Variants in LRRIQ1 observed in about 807,000 individuals in gnomAD.
The protein encoded by LRRIQ1 is leucine-rich repeat- and IQ domain-containing protein 1.
A neutral mutation model predicts 211.9 loss-of-function variants in LRRIQ1; 210 were observed. That is an observed-to-expected ratio of 0.99 (90% confidence interval 0.89 to 1.11). LRRIQ1 has a LOEUF of 1.11. Among genes scored for constraint, LRRIQ1 ranks in the 50% most tolerant of loss-of-function variants. The pLI, the probability that LRRIQ1 is intolerant of heterozygous loss-of-function variation, is 0.00. For missense variants in LRRIQ1, 2,136 were observed against 1,939.5 expected, an observed-to-expected ratio of 1.10 and a Z score of -1.90; for synonymous variants, 699 against 650.1, an observed-to-expected ratio of 1.08 and a Z score of -1.14.
chr12:85,169,427 T>TA (rs1377294252), intron 24 of LRRIQ1, among the ~76,000 whole-genome samples: 21 of 152,202 alleles, frequency 1.4e-4, no homozygotes, highest in African/African-American at 4.3e-4. Context: ...ATTAAGTATC[T>TA]AAAATCTTTT....
chr12:85,170,172 TA>T (rs2136802318), intron 24 of LRRIQ1, among the ~76,000 whole-genome samples: 1 of 151,688 alleles, frequency 6.6e-6, no homozygotes, highest in South Asian at 2.1e-4. Flanking sequence ...AAATCAGTTA[TA>T]AATAGCTCAT....
chr12:85,106,493 A>G (rs771707568), intron 14 of LRRIQ1, 29 bp from the exon 15 acceptor site: 3 of 1,436,290 alleles, frequency 2.1e-6, no homozygotes, highest in Non-Finnish European at 2.9e-6. Context: ...CTGTGATGAT[A>G]CCTTTCAAAA....
At chr12:85,079,710 G>A (rs189073717) in intron 11 of LRRIQ1, among the ~76,000 whole-genome samples, 1 of 151,932 alleles carries the variant, frequency 6.6e-6, no homozygotes, top group Non-Finnish European at 1.5e-5. Context: ...TATAATCATT[G>A]ATGTATTTGA....
At chr12:85,062,976 G>A in intron 8 of LRRIQ1, among the ~76,000 whole-genome samples, 1 of 151,636 alleles carries the variant, frequency 6.6e-6, no homozygotes. Flanking sequence ...TTTTTCTTAT[G>A]TTTGTTGGCC....
intron 10 of LRRIQ1, among the ~76,000 whole-genome samples, chr12:85,067,314 C>T (rs1413608376): frequency 6.6e-6 from 1 of 151,812 alleles, no homozygotes; most frequent in Non-Finnish European, 1.5e-5. Context: ...ACTTATCTTT[C>T]CTTCTTTAGA....
chr12:85,130,525 TTTGG>T (rs1280674865), intron 18 of LRRIQ1, among the ~76,000 whole-genome samples: 2 of 152,172 alleles, frequency 1.3e-5, no homozygotes, highest in Non-Finnish European at 2.9e-5. Flanking sequence ...TTGTGAGTTC[TTTGG>T]TTGAGCTTCT....
intron 24 of LRRIQ1, among the ~76,000 whole-genome samples, chr12:85,220,551 A>G (rs1894348871): frequency 1.3e-5 from 2 of 151,666 alleles, no homozygotes; most frequent in Admixed American, 1.3e-4. Context: ...ATGATTGAGT[A>G]TATTTCAAAC....
chr12:85,257,882 TTTG>T lies in LRRIQ1; in HGVS notation c.122-5032_122-5030del, dbSNP rs1364328188. ...TGTAGCGCCACATTCCAGCCATCAT[TTTG>T]CAAACACAGCCACATGGCATCTTTA... On this transcript the variant is annotated intron_variant, in intron 1 of 1. Coordinates refer to the LRRIQ1 transcript ENST00000602731. Among the ~76,000 whole-genome samples the T allele has an allele frequency of 2.0e-5, 3 of 151,960 alleles. No homozygotes were observed. The East Asian group carries it at 5.8e-4, about 29-fold the overall frequency.
the LRRIQ1 span, among the ~76,000 whole-genome samples, chr12:85,269,586 G>A: frequency 7.9e-4 from 120 of 152,036 alleles, 1 homozygote; most frequent in African/African-American, 2.7e-3. Context: ...ATAGACATTG[G>A]TAGAACCATT....
chr12:85,129,443 TG>T (rs1456888336), intron 18 of LRRIQ1, among the ~76,000 whole-genome samples: 1 of 152,192 alleles, frequency 6.6e-6, no homozygotes, highest in African/African-American at 2.4e-5. Flanking sequence ...GCTTACATTC[TG>T]TTGGAATATG....
intron 17 of LRRIQ1, among the ~76,000 whole-genome samples, chr12:85,125,304 TTTTGGCA>T (rs1268889552): frequency 6.6e-6 from 1 of 152,218 alleles, no homozygotes; most frequent in Non-Finnish European, 1.5e-5. Context: ...TGCTATAGTT[TTTTGGCA>T]TTAATAGATC....
At chr12:85,224,891 A>G (rs1315319808) in intron 24 of LRRIQ1, among the ~76,000 whole-genome samples, 2 of 152,160 alleles carry the variant, frequency 1.3e-5, no homozygotes, top group African/African-American at 2.4e-5. Flanking sequence ...AAATTTAAAA[A>G]GAGATAATTA....
At chr12:85,257,006 C>T (rs1466365760) in intron 1 of LRRIQ1, among the ~76,000 whole-genome samples, 2 of 105,496 alleles carry the variant, frequency 1.9e-5, no homozygotes, top group African/African-American at 6.9e-5. Flanking sequence ...TAATTAGAGG[C>T]TGAAATGTAA....
At chr12:85,089,128 T>A (rs965491741) in intron 11 of LRRIQ1, among the ~76,000 whole-genome samples, 1 of 152,196 alleles carries the variant, frequency 6.6e-6, no homozygotes, top group Non-Finnish European at 1.5e-5. Context: ...AATACCTAAT[T>A]TATTGAGAGT....
intron 24 of LRRIQ1, among the ~76,000 whole-genome samples, chr12:85,194,420 G>T (rs1301025319): frequency 1.3e-4 from 19 of 146,006 alleles, no homozygotes; most frequent in Non-Finnish European, 2.1e-4. Flanking sequence ...CACATACTTG[G>T]AAGTAAAGCT....
intron 1 of LRRIQ1, among the ~76,000 whole-genome samples, chr12:85,251,802 G>A (rs139371156): frequency 1.4e-3 from 204 of 150,668 alleles, no homozygotes; most frequent in African/African-American, 4.6e-3. Flanking sequence ...AGATATAGAG[G>A]AGATCAAGAT....
chr12:85,224,394 C>T (rs1358497642), intron 24 of LRRIQ1, among the ~76,000 whole-genome samples: 1 of 152,054 alleles, frequency 6.6e-6, no homozygotes, highest in African/African-American at 2.4e-5. Flanking sequence ...GGTATATACC[C>T]AAAGGATTAC....
At chr12:85,066,707 G>GCCATTGAA (rs757679092) in intron 9 of LRRIQ1, 41 bp from the exon 10 acceptor site, 1 of 1,493,166 alleles carries the variant, frequency 6.7e-7, no homozygotes, top group South Asian at 1.3e-5. Context: ...TCATTAATAA[G>GCCATTGAA]CCATTGAAAT....
intron 24 of LRRIQ1, among the ~76,000 whole-genome samples, chr12:85,190,891 T>C (rs139010760): frequency 9.1e-4 from 139 of 152,064 alleles, no homozygotes; most frequent in African/African-American, 3.2e-3. Context: ...GACTTTCTCA[T>C]GTATTGTCTC....
Sources: gnomAD v4.1 joint callset for allele counts (sites outside exome capture counted in the v4.1 genomes callset) on GRCh38, gnomAD v4.1.1 for gene constraint, MANE v1.5 for transcripts, NCBI Gene and HGNC (gene_info 2026-07-23, HGNC 2026-07-21) for gene names.